The following CNTN5 variants were observed in gnomAD, a reference collection of about 807,000 sequenced individuals.
CNTN5 encodes the protein contactin 5.
A neutral mutation model predicts 129.1 loss-of-function variants in CNTN5; 77 were observed. The observed-to-expected ratio is 0.60, with a 90% confidence interval of 0.50 to 0.72. The LOEUF (loss-of-function observed/expected upper bound fraction) is 0.72, where lower values mean the gene tolerates loss of function less well. CNTN5 is among the 30% of genes least tolerant of loss of function. CNTN5 has a pLI of 0.00. For missense variants in CNTN5, 1,478 were observed against 1,328.8 expected, an observed-to-expected ratio of 1.11 and a Z score of -1.75; for synonymous variants, 509 against 465.6, an observed-to-expected ratio of 1.09 and a Z score of -1.20.
At chr11:99,764,644 G>A (rs1289166961) in intron 3 of CNTN5, among the ~76,000 whole-genome samples, 2 of 152,104 alleles carry the variant, frequency 1.3e-5, no homozygotes, top group African/African-American at 4.8e-5. Flanking sequence ...TTGAACTCCC[G>A]ATCTCAGGTG....
At chr11:99,138,705 A>G (rs551843528) in intron 1 of CNTN5, among the ~76,000 whole-genome samples, 1 of 152,174 alleles carries the variant, frequency 6.6e-6, no homozygotes, top group South Asian at 2.1e-4. Flanking sequence ...AAAATAACGA[A>G]TTCCCAAAAC....
At chr11:99,498,441 T>G (rs1946309599) in intron 2 of CNTN5, among the ~76,000 whole-genome samples, 1 of 152,188 alleles carries the variant, frequency 6.6e-6, no homozygotes, top group Admixed American at 6.5e-5. Flanking sequence ...TTATTCTAAT[T>G]CATTCTACAA....
At chr11:99,751,538 C>T (rs1944235766) in intron 3 of CNTN5, among the ~76,000 whole-genome samples, 1 of 152,016 alleles carries the variant, frequency 6.6e-6, no homozygotes, top group African/African-American at 2.4e-5. Flanking sequence ...AGAATTTACC[C>T]ACCTCTCTCT....
intron 9 of CNTN5, among the ~76,000 whole-genome samples, chr11:100,005,419 C>T (rs1036041843): frequency 6.6e-6 from 1 of 152,040 alleles, no homozygotes; most frequent in Non-Finnish European, 1.5e-5. Flanking sequence ...TAACTTAGAC[C>T]TACCATTCTC....
At chr11:99,969,132 A>G (rs944036828) in intron 8 of CNTN5, among the ~76,000 whole-genome samples, 2 of 138,802 alleles carry the variant, frequency 1.4e-5, no homozygotes, top group Admixed American at 1.4e-4. Flanking sequence ...GTCTATAAAG[A>G]GAATTTTTTA....
At chr11:100,282,951 T>C (rs749196135) in intron 18 of CNTN5, among the ~76,000 whole-genome samples, 1 of 152,162 alleles carries the variant, frequency 6.6e-6, no homozygotes, top group African/African-American at 2.4e-5. Flanking sequence ...TTTTGGCGAA[T>C]GGTGCCTGGC....
chr11:99,648,541 A>C (rs1380145075), intron 3 of CNTN5, among the ~76,000 whole-genome samples: 2 of 151,932 alleles, frequency 1.3e-5, no homozygotes. Context: ...TAGCACTACC[A>C]TATGATTCAT....
chr11:99,109,276 A>C (rs949270769), intron 1 of CNTN5, among the ~76,000 whole-genome samples: 1 of 152,014 alleles, frequency 6.6e-6, no homozygotes, highest in Non-Finnish European at 1.5e-5. Flanking sequence ...TTCAATCAAT[A>C]ATGTAATTTT....
At chr11:99,921,374 C>T (rs1242040066) in intron 7 of CNTN5, among the ~76,000 whole-genome samples, 2 of 152,164 alleles carry the variant, frequency 1.3e-5, no homozygotes, top group Non-Finnish European at 2.9e-5. Context: ...AAGGCCTTTG[C>T]AGTCGCTATT....
intron 3 of CNTN5, among the ~76,000 whole-genome samples, chr11:99,575,496 G>T (rs528485137): frequency 6.6e-6 from 1 of 152,296 alleles, no homozygotes; most frequent in East Asian, 1.9e-4. Flanking sequence ...GATTTGTTAA[G>T]AACATGCTAA....
chr11:99,996,804 G>A (rs1255120448), intron 8 of CNTN5, among the ~76,000 whole-genome samples: 1 of 152,150 alleles, frequency 6.6e-6, no homozygotes, highest in East Asian at 1.9e-4. Flanking sequence ...AGGAGAGAGA[G>A]AGGGAGCATG....
chr11:99,169,113 A>G (rs1369298817), intron 1 of CNTN5, among the ~76,000 whole-genome samples: 1 of 152,184 alleles, frequency 6.6e-6, no homozygotes, highest in Non-Finnish European at 1.5e-5. Context: ...TGGGAGTAGC[A>G]TCTCAGGCCT....
intron 1 of CNTN5, among the ~76,000 whole-genome samples, chr11:99,102,945 G>A (rs750612306): frequency 1.3e-5 from 2 of 152,104 alleles, no homozygotes; most frequent in Non-Finnish European, 2.9e-5. Context: ...AAGAAAAAGA[G>A]GTTTAATGGA....
intron 18 of CNTN5, among the ~76,000 whole-genome samples, chr11:100,285,453 A>G (rs1325342965): frequency 1.3e-5 from 2 of 152,198 alleles, no homozygotes; most frequent in Non-Finnish European, 2.9e-5. Context: ...CATGCCTTCT[A>G]AATCATCCTT....
At chr11:99,895,581 G>A (rs374506523) in intron 6 of CNTN5, among the ~76,000 whole-genome samples, 9 of 152,196 alleles carry the variant, frequency 5.9e-5, no homozygotes, top group East Asian at 3.9e-4. Context: ...AAGCCATGAA[G>A]CTGAACATTA....
intron 1 of CNTN5, among the ~76,000 whole-genome samples, chr11:99,248,118 C>CA (rs1360786302): frequency 6.6e-6 from 1 of 152,176 alleles, no homozygotes; most frequent in Non-Finnish European, 1.5e-5. Context: ...TCTTCTCCAG[C>CA]ACCTGTTGTT....
chr11:100,030,764 A>G (rs992542253), intron 9 of CNTN5, among the ~76,000 whole-genome samples: 9 of 152,240 alleles, frequency 5.9e-5, no homozygotes, highest in African/African-American at 1.7e-4. Flanking sequence ...AAGATAAAGC[A>G]TACTTCTTAG....
At chr11:99,119,835 G>T (rs1249541922) in intron 1 of CNTN5, among the ~76,000 whole-genome samples, 1 of 151,832 alleles carries the variant, frequency 6.6e-6, no homozygotes, top group Non-Finnish European at 1.5e-5. Flanking sequence ...ACAGTGAGAT[G>T]GTATCTCATT....
chr11:99,818,279 C>A (rs1946659523), intron 3 of CNTN5, among the ~76,000 whole-genome samples: 1 of 148,110 alleles, frequency 6.8e-6, no homozygotes, highest in South Asian at 2.1e-4. Flanking sequence ...TTTTTTGAGA[C>A]AGGGTCTTGC....
Sources: allele counts gnomAD v4.1 joint callset (sites outside exome capture counted in the v4.1 genomes callset), GRCh38; gene constraint gnomAD v4.1.1; transcripts MANE v1.5; gene names NCBI Gene and HGNC (gene_info 2026-07-23, HGNC 2026-07-21).